CELF5: variants seen among roughly 807,000 people sequenced by gnomAD.
CELF5 encodes CUG-BP and ETR-3 like factor 5.
In CELF5, 6 loss-of-function variants were observed where a neutral mutation model predicts 54.9. That is an observed-to-expected ratio of 0.11 (90% CI 0.06 to 0.22). The LOEUF is 0.22. Ranked by LOEUF, CELF5 falls within the 10% of genes least tolerant of loss-of-function variation. The pLI is 1.00. For synonymous variants in CELF5, 271 were observed against 290.9 expected (o/e 0.93, Z 0.70); for missense variants, 401 against 678.6 (o/e 0.59, Z 4.54).
At chr19:3,274,860 C>T (rs1212079014) in intron 3 of CELF5, among the ~76,000 whole-genome samples, 8 of 151,936 alleles carry the variant, frequency 5.3e-5, no homozygotes, top group African/African-American at 1.7e-4. Context: ...CAGGGAGTAG[C>T]GAGGTGGGGT....
Position 3,282,083 on chromosome 19 carries a change from C to G in CELF5, c.751-43C>G, listed in dbSNP as rs1179909146. On this transcript the variant is annotated intron_variant, in intron 6 of 12. Transcript: ENST00000292672. This position sits in a 1 kb window ranked among gnomAD's most constrained non-coding sequence, Gnocchi z 5.2. ...AGCCTCCCCTCATAAGCCATGATCT[C>G]AGGGCAGATATCACCCCAACTGTGA... The G allele has an allele frequency of 6.2e-7, 1 of 1,611,710 alleles. No individual in the cohort carries two copies. Among genetic ancestry groups the G allele is most frequent in the East Asian group, 2.2e-5 (1 of 44,838 alleles).
At chr19:3,270,830 G>A (rs577606209) in intron 2 of CELF5, among the ~76,000 whole-genome samples, 2 of 151,714 alleles carry the variant, frequency 1.3e-5, no homozygotes, top group South Asian at 2.1e-4. Context: ...ACCCAGCGGT[G>A]GGGGGAAGGG....
chr19:3,259,515 A>G (rs939826795), intron 2 of CELF5, among the ~76,000 whole-genome samples: 1 of 151,928 alleles, frequency 6.6e-6, no homozygotes, highest in Non-Finnish European at 1.5e-5. Context: ...ATCAGACACC[A>G]GAATAAGCTC....
chr19:3,275,920 G>A lies in CELF5; in HGVS notation c.459G>A (p.Leu153=). The A allele has an allele frequency of 6.2e-7, 1 of 1,612,310 alleles. No homozygotes were observed. The highest frequency in any genetic ancestry group is 8.5e-7 in the Non-Finnish European group (1 of 1,179,590). The part of the protein sequence containing the change: ...KQQSEEDVLR[L]FQPFGVIDEC... ...AGTCGGAGGAGGACGTGCTGCGGCT[G>A]TTCCAGCCCTTCGGGGTCATTGACG... is the stretch of plus-strand genomic sequence containing the variant. Residue 153 remains leucine, a synonymous_variant, in exon 4 of 13, where the codon CTG becomes CTA. Coordinates refer to ENST00000292672, the MANE Select transcript of CELF5 (RefSeq NM_021938.4). This position sits in a 1 kb window ranked among gnomAD's most constrained non-coding sequence, Gnocchi z 6.7.
intron 1 of CELF5, among the ~76,000 whole-genome samples, chr19:3,234,767 C>G (rs1469670188): frequency 2.0e-5 from 3 of 152,116 alleles, no homozygotes; most frequent in Non-Finnish European, 4.4e-5. Context: ...TCTGATGGCT[C>G]TGCCTTCAAA....
chr19:3,272,537 T>C (rs567132151), intron 2 of CELF5, among the ~76,000 whole-genome samples: 1 of 152,324 alleles, frequency 6.6e-6, no homozygotes, highest in South Asian at 2.1e-4. Context: ...GAAAAAGGTC[T>C]GAGAGTAGCA....
At chr19:3,267,285 AC>A (rs143738956) in intron 2 of CELF5, among the ~76,000 whole-genome samples, 38,296 of 151,252 alleles carry the variant, frequency 0.25, 5,964 homozygotes, top group East Asian at 0.71. Flanking sequence ...AGAGAGGGCA[AC>A]CCCCCCGTTT....
Position 3,278,148 on chromosome 19 carries a change from G to A in CELF5, c.603+38G>A. ...TGCCCTTGGCCGTGGGGGTGGGGGT[G>A]GGAAAGGGGTGAGGGGGACAGGGAT... On this transcript the variant is annotated intron_variant, in intron 5 of 12. Coordinates refer to ENST00000292672, the MANE Select transcript of CELF5 (RefSeq NM_021938.4). The surrounding 1 kb of genome is among the most constrained non-coding windows in gnomAD (Gnocchi z 4.5). The A allele has an allele frequency of 1.5e-6, 2 of 1,360,394 alleles. No homozygotes were observed. Among genetic ancestry groups the A allele is most frequent in the African/African-American group, 1.4e-5 (1 of 69,884 alleles). 84.3% of individuals were successfully genotyped at this position (1,360,394 alleles called of 1,614,324 possible).
intron 1 of CELF5, among the ~76,000 whole-genome samples, chr19:3,236,139 C>T (rs376766231): frequency 6.6e-6 from 1 of 152,090 alleles, no homozygotes; most frequent in Non-Finnish European, 1.5e-5. Flanking sequence ...AGGAGGAGGA[C>T]ACCAGGGCCT....
intron 2 of CELF5, among the ~76,000 whole-genome samples, chr19:3,270,004 A>G (rs1364966136): frequency 6.6e-6 from 1 of 152,188 alleles, no homozygotes; most frequent in Non-Finnish European, 1.5e-5. Context: ...TGTTGCTCCA[A>G]CATGAAAAAT....
chr19:3,235,662 A>ATGTG (rs1451400565), intron 1 of CELF5, among the ~76,000 whole-genome samples: 2 of 88,508 alleles, frequency 2.3e-5, no homozygotes, highest in East Asian at 4.2e-4. Flanking sequence ...GGATGGATGG[A>ATGTG]TGGATGGATG....
intron 10 of CELF5, 72 bp downstream of exon 10, chr19:3,286,097 G>T: frequency 7.5e-7 from 1 of 1,325,024 alleles, no homozygotes; most frequent in South Asian, 1.5e-5. Context: ...CAGGCTCCGT[G>T]TCTGGCCCGG....
chr19:3,292,127 A>T (rs1599492539), intron 11 of CELF5, among the ~76,000 whole-genome samples: 1 of 151,882 alleles, frequency 6.6e-6, no homozygotes, highest in African/African-American at 2.4e-5. Flanking sequence ...TTGTATTTTT[A>T]GTAGAAATGG....
intron 1 of CELF5, chr19:3,225,480 C>CCCCAAAA: frequency 3.0e-6 from 2 of 670,796 alleles, no homozygotes; most frequent in Non-Finnish European, 3.6e-6. Context: ...CCCCCACCCC[C>CCCCAAAA]ATTCATTCAG....
In CELF5 at chr19:3,224,897, C is replaced by T; in HGVS notation, c.158C>T (p.Pro53Leu). 1 of 1,609,118 alleles carries T rather than the reference C, an allele frequency of 6.2e-7. No individual in the cohort carries two copies. Residue 53 changes from proline to leucine, a missense_variant, in exon 1 of 13, where the codon CCG becomes CTG. Physicochemically the swap from Pro to Leu is moderately conservative, Grantham distance 98. This residue lies in a region of CELF5 where 66 missense variants were observed against 132.3 expected (regional missense o/e 0.50). Transcript: ENST00000292672. ...ATCAAACTCTTCGTGGGCCAGATCC[C>T]GCGGCACCTGGACGAGAAGGACCTC... ...DAIKLFVGQIPRHLDEKDLKP... is the reference protein window; with the variant it reads ...DAIKLFVGQILRHLDEKDLKP...
chr19:3,236,114 GT>G (rs1293649482), intron 1 of CELF5, among the ~76,000 whole-genome samples: 1 of 152,188 alleles, frequency 6.6e-6, no homozygotes, highest in Non-Finnish European at 1.5e-5. Flanking sequence ...AGGCAGCATG[GT>G]TGACATAGGG....
intron 1 of CELF5, among the ~76,000 whole-genome samples, chr19:3,246,831 T>C (rs1568336464): frequency 1.3e-5 from 2 of 152,176 alleles, no homozygotes; most frequent in African/African-American, 2.4e-5. Flanking sequence ...AGTGTATTCA[T>C]AGGACACAAT....
intron 8 of CELF5, among the ~76,000 whole-genome samples, chr19:3,284,100 G>A (rs1360272755): frequency 2.7e-5 from 4 of 149,984 alleles, no homozygotes; most frequent in East Asian, 1.9e-4. Context: ...CTCCTTCCTC[G>A]GCCTCCCAAA....
chr19:3,266,934 C>A (rs1022653017), intron 2 of CELF5, among the ~76,000 whole-genome samples: 1 of 152,200 alleles, frequency 6.6e-6, no homozygotes, highest in Non-Finnish European at 1.5e-5. Flanking sequence ...AAAGCCCACC[C>A]AGGCGGCTCA....
Sources: allele counts gnomAD v4.1 joint callset (sites outside exome capture counted in the v4.1 genomes callset), GRCh38; gene constraint gnomAD v4.1.1; regional missense constraint gnomAD v4.1.1; non-coding constraint Gnocchi (gnomAD v3.1); transcripts MANE v1.5; gene names NCBI Gene and HGNC (gene_info 2026-07-23, HGNC 2026-07-21).